The following LDLRAD3 variants were observed in gnomAD, a reference collection of about 807,000 sequenced individuals.
The protein encoded by LDLRAD3 is low-density lipoprotein receptor class A domain-containing protein 3.
A neutral mutation model predicts 29.4 loss-of-function variants in LDLRAD3; 20 were observed. The ratio of observed to expected loss-of-function variants is 0.68; its 90% CI spans 0.48 to 0.99. The LOEUF is 0.99. Ranked by LOEUF, LDLRAD3 falls within the 50% of genes least tolerant of loss-of-function variation. The pLI is 0.00. For synonymous variants in LDLRAD3, 157 were observed against 192.7 expected, an observed-to-expected ratio of 0.81 and a Z score of 1.53; for missense variants, 420 against 454.3, an observed-to-expected ratio of 0.92 and a Z score of 0.69.
intron 4 of LDLRAD3, among the ~76,000 whole-genome samples, chr11:36,153,831 GT>G (rs550704653): frequency 6.6e-6 from 1 of 151,338 alleles, no homozygotes; most frequent in Admixed American, 6.6e-5. Context: ...GCTTGTTAAT[GT>G]TTTTTTTTAA....
At chr11:36,101,203 TATAACA>T (rs1853441824) in intron 4 of LDLRAD3, among the ~76,000 whole-genome samples, 2 of 152,124 alleles carry the variant, frequency 1.3e-5, no homozygotes, top group Admixed American at 6.5e-5. Context: ...GTTTCATGGG[TATAACA>T]GCCACCCCAC....
intron 4 of LDLRAD3, among the ~76,000 whole-genome samples, chr11:36,151,475 A>C (rs1854277112): frequency 1.3e-5 from 2 of 152,306 alleles, no homozygotes; most frequent in South Asian, 4.1e-4. Flanking sequence ...AAGGAAACTA[A>C]GGCTACAAAT....
intron 4 of LDLRAD3, among the ~76,000 whole-genome samples, chr11:36,171,341 T>G (rs1449052973): frequency 1.3e-5 from 2 of 152,218 alleles, no homozygotes; most frequent in Non-Finnish European, 1.5e-5. Flanking sequence ...GCATTTGCTT[T>G]TGGGTTCTTG....
chr11:36,097,991 A>G (rs1853387768), intron 3 of LDLRAD3, among the ~76,000 whole-genome samples: 3 of 152,206 alleles, frequency 2.0e-5, no homozygotes, highest in South Asian at 2.1e-4. Flanking sequence ...GCTGTCACCA[A>G]AAAAGGTAAA....
intron 1 of LDLRAD3, among the ~76,000 whole-genome samples, chr11:35,960,842 G>T (rs192755419): frequency 6.6e-6 from 1 of 152,252 alleles, no homozygotes; most frequent in African/African-American, 2.4e-5. Context: ...TGATCCGCCC[G>T]CCTCGCCTCC....
At chr11:36,062,969 G>GA (rs1392519968) in intron 2 of LDLRAD3, among the ~76,000 whole-genome samples, 1 of 152,158 alleles carries the variant, frequency 6.6e-6, no homozygotes, top group African/African-American at 2.4e-5. Flanking sequence ...AAGAAAACAG[G>GA]AACTGGGAAA....
intron 1 of LDLRAD3, among the ~76,000 whole-genome samples, chr11:35,969,219 C>T (rs1590693655): frequency 6.6e-6 from 1 of 152,312 alleles, no homozygotes; most frequent in East Asian, 1.9e-4. Context: ...TCTCTGCTCA[C>T]GCTGGTGTGA....
intron 4 of LDLRAD3, among the ~76,000 whole-genome samples, chr11:36,117,304 G>A (rs757088259): frequency 6.6e-6 from 1 of 152,168 alleles, no homozygotes; most frequent in Non-Finnish European, 1.5e-5. Context: ...AATTTATGGT[G>A]TGTTTTCTAT....
chr11:36,115,030 G>A (rs4755435), intron 4 of LDLRAD3, among the ~76,000 whole-genome samples: 77,599 of 152,018 alleles, frequency 0.51, 20,997 homozygotes, highest in Non-Finnish European at 0.59. Context: ...GGCCTCTTCC[G>A]TGTCCAGAAT....
chr11:36,069,688 G>C (rs918661767), intron 2 of LDLRAD3, among the ~76,000 whole-genome samples: 5 of 151,394 alleles, frequency 3.3e-5, no homozygotes, highest in African/African-American at 1.2e-4. Flanking sequence ...GCGTATATGA[G>C]AAGCTTGTTC....
intron 4 of LDLRAD3, among the ~76,000 whole-genome samples, chr11:36,193,841 T>C (rs1854992344): frequency 1.3e-5 from 2 of 152,128 alleles, no homozygotes; most frequent in Admixed American, 1.3e-4. Flanking sequence ...CTTGAGGCTT[T>C]GGAGGTCTGA....
intron 2 of LDLRAD3, among the ~76,000 whole-genome samples, chr11:36,061,178 G>T (rs1441400357): frequency 6.6e-6 from 1 of 152,046 alleles, no homozygotes; most frequent in East Asian, 1.9e-4. Context: ...TCGCTCTGTT[G>T]CCCAGGCTGT....
intron 4 of LDLRAD3, among the ~76,000 whole-genome samples, chr11:36,133,970 GTA>G (rs139013631): frequency 4.6e-5 from 7 of 150,826 alleles, no homozygotes; most frequent in African/African-American, 1.2e-4. Context: ...AGATTTCCAA[GTA>G]TATATATATA....
At chr11:36,055,915 C>G (rs1341133003) in intron 2 of LDLRAD3, among the ~76,000 whole-genome samples, 4 of 143,202 alleles carry the variant, frequency 2.8e-5, no homozygotes, top group Non-Finnish European at 6.1e-5. Context: ...GTTTGGGTAG[C>G]TTTAAGGTTA....
Position 36,176,088 on chromosome 11 carries a change from C to G in LDLRAD3, c.455-50997C>G, listed in dbSNP as rs533363771. ...TCTTTGTCTTTTTTAACTATTGTTG[C>G]TTTAAAGTCTGTTTTGTCTATAGCT... On this transcript the variant is annotated intron_variant, in intron 4 of 5. Transcript: ENST00000315571. Among the ~76,000 whole-genome samples, 3 of 152,202 alleles carry G rather than the reference C, an allele frequency of 2.0e-5. No homozygotes were observed. In the South Asian group the frequency reaches 6.2e-4, roughly 32 times the overall value.
At chr11:36,000,011 T>A (rs1055240585) in intron 1 of LDLRAD3, among the ~76,000 whole-genome samples, 1 of 152,100 alleles carries the variant, frequency 6.6e-6, no homozygotes, top group Non-Finnish European at 1.5e-5. Context: ...GGTAAATAAA[T>A]TACGGTACTA....
chr11:36,150,411 C>T (rs548546087), intron 4 of LDLRAD3, among the ~76,000 whole-genome samples: 3 of 152,000 alleles, frequency 2.0e-5, no homozygotes, highest in Admixed American at 1.3e-4. Context: ...GCCTGTAGTC[C>T]CAGCTACCCA....
intron 4 of LDLRAD3, among the ~76,000 whole-genome samples, chr11:36,218,622 G>A (rs1484906123): frequency 1.3e-5 from 2 of 152,204 alleles, no homozygotes; most frequent in South Asian, 2.1e-4. Context: ...GATGTGGACA[G>A]AGAAAAAGGA....
At chr11:36,194,048 T>C (rs1292031817) in intron 4 of LDLRAD3, among the ~76,000 whole-genome samples, 1 of 152,226 alleles carries the variant, frequency 6.6e-6, no homozygotes, top group East Asian at 1.9e-4. Context: ...TAGTATCACA[T>C]CTGGCATTTA....
Sources: gnomAD v4.1 joint callset for allele counts (sites outside exome capture counted in the v4.1 genomes callset) on GRCh38, gnomAD v4.1.1 for gene constraint, MANE v1.5 for transcripts, NCBI Gene and HGNC (gene_info 2026-07-23, HGNC 2026-07-21) for gene names.